The following CHRM2 variants were observed in gnomAD, a reference collection of about 807,000 sequenced individuals.
CHRM2 encodes the protein cholinergic receptor muscarinic 2.
A neutral mutation model predicts 25.0 loss-of-function variants in CHRM2; 8 were observed. That is an observed-to-expected ratio of 0.32 (90% CI 0.19 to 0.58). The LOEUF (loss-of-function observed/expected upper bound fraction) is 0.58, where lower values mean the gene tolerates loss of function less well. Ranked by LOEUF, CHRM2 falls within the 20% of genes least tolerant of loss-of-function variation. CHRM2 has a pLI of 0.88. For synonymous variants in CHRM2, 202 were observed against 205.7 expected, an observed-to-expected ratio of 0.98 and a Z score of 0.15; for missense variants, 440 against 567.1, an observed-to-expected ratio of 0.78 and a Z score of 2.28.
At chr7:136,985,160 G>A (rs1802763512) in intron 2 of CHRM2, among the ~76,000 whole-genome samples, 1 of 152,132 alleles carries the variant, frequency 6.6e-6, no homozygotes, top group Admixed American at 6.5e-5. Flanking sequence ...GCACATGTGA[G>A]CACATATGCA....
chr7:136,962,703 T>G (rs1284522966), intron 2 of CHRM2, among the ~76,000 whole-genome samples: 1 of 152,226 alleles, frequency 6.6e-6, no homozygotes, highest in African/African-American at 2.4e-5. Context: ...AAGTTTCACC[T>G]GCCAGAGAAC....
intron 2 of CHRM2, among the ~76,000 whole-genome samples, chr7:136,952,748 G>A (rs974734672): frequency 1.3e-5 from 2 of 151,932 alleles, no homozygotes; most frequent in African/African-American, 2.4e-5. Flanking sequence ...ATAGGCCCCC[G>A]TATATGTTGC....
chr7:136,897,216 A>T (rs73158708), intron 2 of CHRM2, among the ~76,000 whole-genome samples: 2 of 151,612 alleles, frequency 1.3e-5, no homozygotes, highest in Non-Finnish European at 2.9e-5. Context: ...AGGTGTCATG[A>T]GAGGGATGAT....
intron 3 of CHRM2, among the ~76,000 whole-genome samples, chr7:137,003,493 C>T (rs1226835483): frequency 0.043 from 1,539 of 36,100 alleles, 40 homozygotes; most frequent in African/African-American, 0.17. Context: ...CACACACACA[C>T]ACACACACAC....
At chr7:136,975,171 A>C (rs1802031322) in intron 2 of CHRM2, among the ~76,000 whole-genome samples, 1 of 152,186 alleles carries the variant, frequency 6.6e-6, no homozygotes, top group Admixed American at 6.5e-5. Flanking sequence ...TCAGGATGTA[A>C]GCTGGGGTAT....
chr7:136,995,718 T>G (rs1803553518), intron 3 of CHRM2, among the ~76,000 whole-genome samples: 1 of 151,998 alleles, frequency 6.6e-6, no homozygotes. Context: ...AAGCCAAGAC[T>G]GCACCACTGC....
chr7:136,947,331 C>A (rs973921696), intron 2 of CHRM2, among the ~76,000 whole-genome samples: 5 of 151,846 alleles, frequency 3.3e-5, no homozygotes, highest in Non-Finnish European at 7.4e-5. Context: ...TTCTCATTTT[C>A]TTAATATCTA....
At chr7:136,884,291 C>T (rs1796374864) in intron 2 of CHRM2, among the ~76,000 whole-genome samples, 1 of 151,984 alleles carries the variant, frequency 6.6e-6, no homozygotes, top group Non-Finnish European at 1.5e-5. Context: ...ACGTTGAGTG[C>T]CAAATTTGCA....
intron 2 of CHRM2, among the ~76,000 whole-genome samples, chr7:136,936,803 T>C (rs1468728829): frequency 6.6e-6 from 1 of 152,192 alleles, no homozygotes; most frequent in African/African-American, 2.4e-5. Flanking sequence ...TCTAATACAT[T>C]TAGAATTTTC....
rs1008433599 is a variant in CHRM2, at chr7:137,018,138, A to T, written c.*1872A>T. On this transcript the variant is annotated 3_prime_UTR_variant, in exon 4 of 4. Transcript: ENST00000680005. ...CCAGCACTTAAAAGAATTATTTTGT[A>T]TGATTAGCCTCATAGATGCCACCTC... 2 of 151,846 alleles carry T rather than the reference A, an allele frequency of 1.3e-5. No homozygotes were observed. Among genetic ancestry groups the T allele is most frequent in the Non-Finnish European group, 2.9e-5 (2 of 67,900 alleles). The allele number at this position is 151,846 out of a possible 1,614,324, so 9.4% of individuals were successfully genotyped here.
intron 2 of CHRM2, among the ~76,000 whole-genome samples, chr7:136,982,162 CTCT>C (rs1191788893): frequency 2.0e-5 from 3 of 152,150 alleles, no homozygotes; most frequent in Non-Finnish European, 4.4e-5. Flanking sequence ...GGATAGTTAG[CTCT>C]TCTTCTTGCA....
chr7:136,872,846 C>T (rs1375939891), intron 2 of CHRM2, among the ~76,000 whole-genome samples: 1 of 152,164 alleles, frequency 6.6e-6, no homozygotes, highest in Non-Finnish European at 1.5e-5. Context: ...TATCAATAAT[C>T]GTGCTGGATT....
At chr7:136,932,975 G>A (rs7792449) in intron 2 of CHRM2, among the ~76,000 whole-genome samples, 100,962 of 151,972 alleles carry the variant, frequency 0.66, 34,157 homozygotes, top group African/African-American at 0.74. Context: ...GGTTGCAGTG[G>A]GCCCAGATTG....
chr7:136,902,191 CTA>C (rs1473598277), intron 2 of CHRM2: 1 of 146,354 alleles, frequency 6.8e-6, no homozygotes, highest in East Asian at 2.0e-4. Flanking sequence ...TTAAACTCAT[CTA>C]TCTATCTATC....
At position 137,014,806 on chromosome 7, in the gene CHRM2, C is replaced by A; in HGVS notation, c.-46-14C>A. On this transcript the variant is annotated splice_polypyrimidine_tract_variant and intron_variant, in intron 3 of 3. Coordinates refer to ENST00000680005, the MANE Select transcript of CHRM2 (RefSeq NM_001006630.2). ...TTATATTATGTTTGTTAATTTTATT[C>A]TATTTCCTTGCAGGTTTAAATGTTT... 1.4e-6 allele frequency: 2 copies of A among 1,379,372 alleles called. No homozygotes were observed. The highest frequency in any genetic ancestry group is 2.1e-6 in the Non-Finnish European group (2 of 971,914). 85.4% of individuals were successfully genotyped at this position (1,379,372 alleles called of 1,614,324 possible).
chr7:137,005,016 T>C (rs573507267), intron 3 of CHRM2, among the ~76,000 whole-genome samples: 1 of 152,132 alleles, frequency 6.6e-6, no homozygotes, highest in African/African-American at 2.4e-5. Flanking sequence ...CTTCGTTGAA[T>C]CTGGTATGAA....
chr7:136,941,032 G>C (rs1443760534), intron 2 of CHRM2, among the ~76,000 whole-genome samples: 1 of 152,170 alleles, frequency 6.6e-6, no homozygotes, highest in Non-Finnish European at 1.5e-5. Context: ...AAAGATTCTA[G>C]AACAGGGTCC....
Position 137,015,692 on chromosome 7 carries a change from A to G in CHRM2, c.827A>G (p.Gln276Arg), listed in dbSNP as rs1462512567. 1 of 1,613,134 alleles carries G rather than the reference A, an allele frequency of 6.2e-7. No individual in the cohort carries two copies. Among genetic ancestry groups the G allele is most frequent in the Non-Finnish European group, 8.5e-7 (1 of 1,179,572 alleles). Residue 276 changes from glutamine (Q) to arginine (R), a missense_variant, in exon 4 of 4, where the codon CAG (glutamine) becomes CGG (arginine). Coordinates refer to ENST00000680005, the MANE Select transcript of CHRM2 (RefSeq NM_001006630.2). This position sits in a 1 kb window ranked among gnomAD's most constrained non-coding sequence, Gnocchi z 5.1. ...PRDPVTENCV[Q>R]GEEKESSNDS... is the part of the protein sequence containing the mutation. ...GATCCTGTGACTGAAAACTGTGTTC[A>G]GGGAGAGGAGAAGGAGAGCTCCAAT...
intron 2 of CHRM2, among the ~76,000 whole-genome samples, chr7:136,991,221 T>G (rs568622253): frequency 1.2e-3 from 184 of 152,246 alleles, no homozygotes; most frequent in African/African-American, 3.8e-3. Context: ...AGTCATGTAG[T>G]TTTTTCCCAT....
Sources: gnomAD v4.1 joint callset for allele counts (sites outside exome capture counted in the v4.1 genomes callset) on GRCh38, gnomAD v4.1.1 for gene constraint, Gnocchi (gnomAD v3.1) non-coding constraint, MANE v1.5 for transcripts, NCBI Gene and HGNC (gene_info 2026-07-23, HGNC 2026-07-21) for gene names.